The following NLRP1 variants were observed in gnomAD, a reference collection of about 807,000 sequenced individuals.
NLRP1 encodes the protein NACHT, LRR and PYD domains-containing protein 1.
A neutral mutation model predicts 136.7 loss-of-function variants in NLRP1; 94 were observed. The observed-to-expected ratio is 0.69, with a 90% CI of 0.58 to 0.82. NLRP1 has a LOEUF of 0.82. Ranked by LOEUF, NLRP1 falls within the 40% of genes least tolerant of loss-of-function variation. The pLI is 0.00. For missense variants in NLRP1, 1,575 were observed against 1,802.7 expected, an observed-to-expected ratio of 0.87 and a Z score of 2.29; for synonymous variants, 690 against 725.1, an observed-to-expected ratio of 0.95 and a Z score of 0.78.
chr17:5,543,581 C>T (rs931579629), intron 5 of NLRP1, among the ~76,000 whole-genome samples: 1 of 151,790 alleles, frequency 6.6e-6, no homozygotes, highest in East Asian at 1.9e-4. Flanking sequence ...TTAGAAAGAT[C>T]CCTGAGGGAG....
rs139370765 is a variant in NLRP1, at chr17:5,566,502, T to C, written c.653-6459A>G. On this transcript the variant is annotated intron_variant, in intron 3 of 16. Transcript: ENST00000572272. Reference sequence around the variant, plus strand: ...TTCCTCTTATTATTAATTTCTAATTTTATTGCATTGTGGTCAGAGAAGATG... The same window carrying C: ...TTCCTCTTATTATTAATTTCTAATTCTATTGCATTGTGGTCAGAGAAGATG... Among the ~76,000 whole-genome samples the C allele has an allele frequency of 4.5e-4, 69 of 152,284 alleles. No homozygotes were observed. The East Asian group carries it at 0.013, about 28-fold the overall frequency.
At chr17:5,501,942 G>T in intron 15 of NLRP1, 1 of 1,405,936 alleles carries the variant, frequency 7.1e-7, no homozygotes, top group Non-Finnish European at 1.0e-6. Context: ...CCACTGGCCG[G>T]CTTTGTTAGT....
intron 12 of NLRP1, among the ~76,000 whole-genome samples, chr17:5,523,763 CCT>C (rs1909194346): frequency 6.6e-6 from 1 of 152,080 alleles, no homozygotes; most frequent in African/African-American, 2.4e-5. Context: ...TGGACAAAGC[CCT>C]TAGTCAGATG....
intron 4 of NLRP1, among the ~76,000 whole-genome samples, chr17:5,557,985 G>A (rs965203424): frequency 6.6e-6 from 1 of 152,078 alleles, no homozygotes; most frequent in African/African-American, 2.4e-5. Context: ...GGGTAGGGGG[G>A]CTGCCTGATC....
At chr17:5,536,150 C>CTTT (rs753363124) in intron 8 of NLRP1, among the ~76,000 whole-genome samples, 1 of 149,518 alleles carries the variant, frequency 6.7e-6, no homozygotes, top group African/African-American at 2.5e-5. Flanking sequence ...TTTTCTTGTT[C>CTTT]TTTTTTTTTT....
rs1238103295 is a variant in NLRP1 at position 5,559,962 on chromosome 17, T to G, written c.734A>C (p.His245Pro). The change falls in exon 4 of 17, where the codon CAC (histidine) becomes CCC (proline). Residue 245 changes from histidine (H) to proline (P), a missense_variant. His to Pro is a moderately conservative substitution (Grantham distance 77). Coordinates refer to ENST00000572272, the MANE Select transcript of NLRP1 (RefSeq NM_033004.4). Reference sequence around the variant, plus strand: ...GTGGTGGTGGGGCTGTAGGCTGGTGTGCGCCTGTGGGGGCGTTCCTACCAC... The same window carrying G: ...GTGGTGGTGGGGCTGTAGGCTGGTGGGCGCCTGTGGGGGCGTTCCTACCAC... ...AAVVGTPPQA[H>P]TSLQPHHHPW... The G allele has an allele frequency of 6.2e-7, 1 of 1,614,040 alleles. No individual in the cohort carries two copies. The highest frequency in any genetic ancestry group is 1.7e-5 in the Admixed American group (1 of 60,008).
rs754057500 is a variant in NLRP1 at position 5,583,342 on chromosome 17, A to G, written c.271+345T>C. The stretch of plus-strand genomic sequence containing the variant: ...ACTCTCCCATTTTGCAGACAGAGAA[A>G]TAGGCAGAGAGCAGTGAAGTGATTG... On this transcript the variant is annotated intron_variant, in intron 1 of 16. Coordinates refer to ENST00000572272, the MANE Select transcript of NLRP1 (RefSeq NM_033004.4). The surrounding 1 kb of genome is among the most constrained non-coding windows in gnomAD (Gnocchi z 4.5). 6.6e-6 allele frequency among the ~76,000 whole-genome samples: 1 copy of G among 152,206 alleles called. No homozygotes were observed. Among genetic ancestry groups the G allele is most frequent in the Non-Finnish European group, 1.5e-5 (1 of 68,022 alleles).
At chr17:5,517,362 C>CCG (rs1555542066) in intron 15 of NLRP1, among the ~76,000 whole-genome samples, 864 of 61,422 alleles carry the variant, frequency 0.014, 81 homozygotes, top group East Asian at 0.035. Flanking sequence ...CCCCCCCCCT[C>CCG]CCACATACAC....
chr17:5,521,534 G>C lies in NLRP1; in HGVS notation c.3773C>G (p.Ser1258Cys). Residue 1258 changes from serine to cysteine, a missense_variant, in exon 13 of 17, where the codon TCC (serine) becomes TGC (cysteine). Ser to Cys is a moderately radical substitution (Grantham distance 112). Transcript: ENST00000572272. Reference protein sequence around the residue: ...FHLYLIPSDCSIRKAIDDLEM... With the variant: ...FHLYLIPSDCCIRKAIDDLEM... Reference sequence around the variant, plus strand: ...GGCTCTTAGTGTCACCTTCCGAATGGAGCAGTCACTTGGGATCAGGTAGAG... The same window carrying C: ...GGCTCTTAGTGTCACCTTCCGAATGCAGCAGTCACTTGGGATCAGGTAGAG... 6.2e-7 allele frequency: 1 copy of C among 1,613,704 alleles called. No individual in the cohort carries two copies.
intron 12 of NLRP1, among the ~76,000 whole-genome samples, chr17:5,525,408 G>T (rs138334904): frequency 6.6e-6 from 1 of 152,204 alleles, no homozygotes; most frequent in Admixed American, 6.5e-5. Context: ...CCGCATGCCC[G>T]GTGTTTGCCT....
intron 12 of NLRP1, among the ~76,000 whole-genome samples, chr17:5,526,372 A>C (rs1909554110): frequency 6.6e-6 from 1 of 152,208 alleles, no homozygotes; most frequent in South Asian, 2.1e-4. Context: ...GGAAGACAAC[A>C]GTTTTGAGGC....
chr17:5,560,173 G>T (rs1220457007), intron 3 of NLRP1, 130 bp from the exon 4 acceptor site: 10 of 839,282 alleles, frequency 1.2e-5, no homozygotes, highest in Non-Finnish European at 1.8e-5. Context: ...GTATGTTCTT[G>T]CCATGCGGCG....
chr17:5,519,322 T>G (rs959250182), intron 14 of NLRP1, among the ~76,000 whole-genome samples: 2 of 151,986 alleles, frequency 1.3e-5, no homozygotes, highest in African/African-American at 2.4e-5. Flanking sequence ...ATTTTTGTAT[T>G]TCTAGTAGAG....
At position 5,514,386 on chromosome 17, in the gene NLRP1, C is replaced by T; in HGVS notation, c.*368G>A. Reference sequence around the variant, plus strand: ...CCCACGCTGAACCCCAATTTTGGGGCTCACCCTGTGACACAGCCAGAGGCA... The same window carrying T: ...CCCACGCTGAACCCCAATTTTGGGGTTCACCCTGTGACACAGCCAGAGGCA... On this transcript the variant is annotated 3_prime_UTR_variant, in exon 17 of 17. Coordinates refer to ENST00000572272, the MANE Select transcript of NLRP1 (RefSeq NM_033004.4). 9.2e-7 allele frequency: 1 copy of T among 1,082,544 alleles called. No homozygotes were observed. Among genetic ancestry groups the T allele is most frequent in the Non-Finnish European group, 1.1e-6 (1 of 888,492 alleles). The allele number at this position is 1,082,544 out of a possible 1,614,324, so 67.1% of individuals were successfully genotyped here.
At chr17:5,540,118 G>C (rs1911681181) in intron 6 of NLRP1, among the ~76,000 whole-genome samples, 1 of 152,186 alleles carries the variant, frequency 6.6e-6, no homozygotes, top group Admixed American at 6.5e-5. Context: ...GATGTTAACT[G>C]CTGCCCTGTT....
rs201380144 is a variant in NLRP1 at position 5,553,386 on chromosome 17, C to T, written c.2528G>A (p.Arg843Gln). The T allele has an allele frequency of 1.8e-5, 29 of 1,610,836 alleles. No homozygotes were observed. Among genetic ancestry groups the T allele is most frequent in the Admixed American group, 1.0e-4 (6 of 59,908 alleles). ...AGAACAGAACCCAGGCCAGACTCAC[C>T]GCAGGGTCTCCAGGAGGCAGCGAGG... ...RRPRCLLETLRLAGCGLTAED... is the reference protein window; with the variant it reads ...RRPRCLLETLQLAGCGLTAED... Residue 843 changes from arginine (R) to glutamine (Q), a missense_variant and splice_region_variant, in exon 5 of 17, where the codon CGG (arginine) becomes CAG (glutamine). Arg to Gln is a conservative substitution (Grantham distance 43). Coordinates refer to ENST00000572272, the MANE Select transcript of NLRP1 (RefSeq NM_033004.4).
At chr17:5,526,771 C>T (rs11654410) in intron 12 of NLRP1, among the ~76,000 whole-genome samples, 8,983 of 152,256 alleles carry the variant, frequency 0.059, 317 homozygotes, top group Middle Eastern at 0.095. Flanking sequence ...AAGAGCTCCG[C>T]GCTTTCATTT....
At chr17:5,519,402 T>TCCCA (rs144025781) in intron 14 of NLRP1, among the ~76,000 whole-genome samples, 3,379 of 150,766 alleles carry the variant, frequency 0.022, 132 homozygotes, top group African/African-American at 0.079. Context: ...TGCCTTGAAC[T>TCCCA]CCCATAGTGC....
chr17:5,558,785 C>T lies in NLRP1; in HGVS notation c.1911G>A (p.Leu637=). The stretch of plus-strand genomic sequence containing the variant: ...GTTTACCTCTCCCCTTCTCATCCTC[C>T]AAGACATAGGACATTGCTGCAAAGA... ...QEFFAAMSYV[L]EDEKGRGKHS... is the part of the protein sequence containing the mutation. Residue 637 remains leucine (L), a synonymous_variant, in exon 4 of 17, where the codon TTG becomes TTA. Coordinates refer to ENST00000572272, the MANE Select transcript of NLRP1 (RefSeq NM_033004.4). 3 of 1,614,170 alleles carry T rather than the reference C, an allele frequency of 1.9e-6. No homozygotes were observed. Among genetic ancestry groups the T allele is most frequent in the East Asian group, 2.2e-5 (1 of 44,892 alleles).
Sources: gnomAD v4.1 joint callset for allele counts (sites outside exome capture counted in the v4.1 genomes callset) on GRCh38, gnomAD v4.1.1 for gene constraint, Gnocchi (gnomAD v3.1) non-coding constraint, MANE v1.5 for transcripts, NCBI Gene and HGNC (gene_info 2026-07-23, HGNC 2026-07-21) for gene names.